The following THRB variants were observed in gnomAD, a reference collection of about 807,000 sequenced individuals.
THRB encodes thyroid hormone receptor beta.
In THRB, 12 loss-of-function variants were observed where a neutral mutation model predicts 47.8. The ratio of observed to expected loss-of-function variants is 0.25; its 90% CI spans 0.16 to 0.41. The LOEUF (loss-of-function observed/expected upper bound fraction) is 0.41, where lower values mean the gene tolerates loss of function less well. THRB is among the 10% of genes least tolerant of loss of function. THRB has a pLI of 1.00. For synonymous variants in THRB, 218 were observed against 212.2 expected (o/e 1.03, Z -0.24); for missense variants, 348 against 589.2 (o/e 0.59, Z 4.24).
At chr3:24,157,415 C>T (rs1221358981) in intron 5 of THRB, among the ~76,000 whole-genome samples, 3 of 152,004 alleles carry the variant, frequency 2.0e-5, no homozygotes, top group African/African-American at 7.3e-5. Flanking sequence ...GGCCAAAGGA[C>T]CCTGGATTCT....
chr3:24,283,847 A>C (rs994920622), intron 3 of THRB, among the ~76,000 whole-genome samples: 1 of 151,780 alleles, frequency 6.6e-6, no homozygotes, highest in African/African-American at 2.4e-5. Flanking sequence ...CAAAGAGAAT[A>C]AAATACCTAG....
intron 1 of THRB, among the ~76,000 whole-genome samples, chr3:24,478,082 C>T (rs1695760848): frequency 6.6e-6 from 1 of 151,978 alleles, no homozygotes; most frequent in Admixed American, 6.6e-5. Flanking sequence ...AGAAGTAAAT[C>T]CTATCATTCA....
At chr3:24,238,101 C>T (rs1453179312) in intron 3 of THRB, 1 of 152,012 alleles carries the variant, frequency 6.6e-6, no homozygotes, top group African/African-American at 2.4e-5. Context: ...GGAAGATAGT[C>T]TCTTAAGAGG....
At chr3:24,395,516 A>G (rs986774731) in intron 1 of THRB, among the ~76,000 whole-genome samples, 15 of 152,252 alleles carry the variant, frequency 9.9e-5, no homozygotes, top group Non-Finnish European at 2.1e-4. Flanking sequence ...GCACATAAAA[A>G]GACGTTCAAC....
At chr3:24,392,386 C>T (rs1222403266) in intron 1 of THRB, among the ~76,000 whole-genome samples, 1 of 152,028 alleles carries the variant, frequency 6.6e-6, no homozygotes, top group African/African-American at 2.4e-5. Flanking sequence ...GTGATGGGTA[C>T]ATTACAACTC....
chr3:24,462,369 T>C (rs1238623490), intron 1 of THRB, among the ~76,000 whole-genome samples: 1 of 152,262 alleles, frequency 6.6e-6, no homozygotes, highest in Non-Finnish European at 1.5e-5. Context: ...CATTCTAGAA[T>C]TGCATGTCTC....
intron 1 of THRB, among the ~76,000 whole-genome samples, chr3:24,464,827 CTTTT>C (rs1450409893): frequency 6.6e-6 from 1 of 152,174 alleles, no homozygotes; most frequent in South Asian, 2.1e-4. Context: ...TAAAGAAAAT[CTTTT>C]TTTATCATTC....
At chr3:24,439,958 AAGG>A (rs564394818) in intron 1 of THRB, among the ~76,000 whole-genome samples, 8 of 152,318 alleles carry the variant, frequency 5.3e-5, no homozygotes, top group South Asian at 4.1e-4. Flanking sequence ...ACATAGATCA[AAGG>A]AGGATTATCC....
chr3:24,448,614 A>G (rs767759910), intron 1 of THRB, among the ~76,000 whole-genome samples: 1 of 152,188 alleles, frequency 6.6e-6, no homozygotes, highest in Non-Finnish European at 1.5e-5. Flanking sequence ...CTAAAAGTTC[A>G]TTCTCTGAAC....
chr3:24,299,645 C>CT (rs72274327), intron 2 of THRB, among the ~76,000 whole-genome samples: 38,876 of 150,298 alleles, frequency 0.26, 5,541 homozygotes, highest in Admixed American at 0.38. Context: ...TAAAAACTTT[C>CT]TTTTTTTTTC....
chr3:24,472,610 A>G (rs1424141301), intron 1 of THRB, among the ~76,000 whole-genome samples: 2 of 152,220 alleles, frequency 1.3e-5, no homozygotes, highest in African/African-American at 4.8e-5. Context: ...GTGTGGAAAG[A>G]ATGCCAACAG....
At chr3:24,386,222 T>A (rs933380033) in intron 1 of THRB, among the ~76,000 whole-genome samples, 5 of 152,052 alleles carry the variant, frequency 3.3e-5, no homozygotes, top group African/African-American at 1.2e-4. Flanking sequence ...GCATTCTCAA[T>A]ATCACAGACA....
At chr3:24,491,787 G>A (rs2196427) in intron 1 of THRB, among the ~76,000 whole-genome samples, 70,360 of 152,062 alleles carry the variant, frequency 0.46, 16,676 homozygotes, top group Non-Finnish European at 0.53. Flanking sequence ...CTTAGCACTG[G>A]CAATGCTTCT....
intron 7 of THRB, among the ~76,000 whole-genome samples, chr3:24,145,742 C>T (rs558893243): frequency 1.3e-5 from 2 of 152,272 alleles, no homozygotes; most frequent in East Asian, 3.9e-4. Context: ...CTCTATTTCT[C>T]ACATAAAATG....
intron 4 of THRB, among the ~76,000 whole-genome samples, chr3:24,192,325 GA>G (rs2043448552): frequency 2.0e-5 from 3 of 152,112 alleles, no homozygotes; most frequent in Admixed American, 6.6e-5. Flanking sequence ...TGGGCCTAAT[GA>G]GATTGATTTT....
At chr3:24,380,270 G>C (rs933655943) in intron 1 of THRB, among the ~76,000 whole-genome samples, 22 of 151,202 alleles carry the variant, frequency 1.5e-4, no homozygotes, top group African/African-American at 5.4e-4. Context: ...TAAGGTTTTT[G>C]TTAAAATCAA....
intron 3 of THRB, among the ~76,000 whole-genome samples, chr3:24,289,518 A>AT (rs2055701803): frequency 1.3e-5 from 2 of 152,066 alleles, no homozygotes; most frequent in African/African-American, 4.8e-5. Flanking sequence ...CTACCTATCT[A>AT]TCCCTCTATC....
At chr3:24,357,362 A>C (rs796070379) in intron 1 of THRB, among the ~76,000 whole-genome samples, 59 of 143,332 alleles carry the variant, frequency 4.1e-4, no homozygotes, top group African/African-American at 1.2e-3. Context: ...AAAAAAAAAA[A>C]AAAAAAAAAA....
chr3:24,182,118 G>A (rs991895492), intron 5 of THRB, among the ~76,000 whole-genome samples: 7 of 152,162 alleles, frequency 4.6e-5, no homozygotes, highest in East Asian at 3.9e-4. Context: ...GGAGAATGGC[G>A]TGAACCCGGG....
Sources: allele counts gnomAD v4.1 joint callset (sites outside exome capture counted in the v4.1 genomes callset), GRCh38; gene constraint gnomAD v4.1.1; transcripts MANE v1.5; gene names NCBI Gene and HGNC (gene_info 2026-07-23, HGNC 2026-07-21).